The following HEATR4 variants were observed in gnomAD, a reference collection of about 807,000 sequenced individuals.
The protein encoded by HEATR4 is HEAT repeat containing 4.
HEATR4 carries 95 observed loss-of-function variants against 108.8 expected under a neutral mutation model. The ratio of observed to expected loss-of-function variants is 0.87; its 90% CI spans 0.74 to 1.04. HEATR4 has a LOEUF of 1.04. Among genes scored for constraint, HEATR4 ranks in the 50% least tolerant of loss-of-function variants. The probability of loss-of-function intolerance (pLI) is 0.00; values close to 1 mark genes in which losing one functional copy is unlikely to be tolerated. For missense variants in HEATR4, 1,152 were observed against 1,253.8 expected (o/e 0.92, Z 1.23); for synonymous variants, 443 against 459.4 (o/e 0.96, Z 0.46).
chr14:73,505,466 G>C (rs12100682), intron 10 of HEATR4, among the ~76,000 whole-genome samples: 41 of 151,622 alleles, frequency 2.7e-4, no homozygotes, highest in African/African-American at 9.9e-4. Flanking sequence ...GTGCGATCTC[G>C]GCTCACTGCA....
intron 11 of HEATR4, among the ~76,000 whole-genome samples, chr14:73,501,633 G>A (rs907642795): frequency 1.3e-5 from 2 of 149,376 alleles, no homozygotes; most frequent in Non-Finnish European, 3.0e-5. Flanking sequence ...GAATGCAGTG[G>A]CATGATGATG....
At chr14:73,555,011 AT>A (rs1446487899) in intron 1 of HEATR4, among the ~76,000 whole-genome samples, 2 of 114,216 alleles carry the variant, frequency 1.8e-5, no homozygotes, top group African/African-American at 5.7e-5. Context: ...CCCATTTATG[AT>A]TTTTTAAATA....
the HEATR4 span, among the ~76,000 whole-genome samples, chr14:73,608,635 C>G: frequency 6.6e-6 from 1 of 152,166 alleles, no homozygotes; most frequent in Admixed American, 6.6e-5. Context: ...GCCCTCTAAA[C>G]GGTGCCAACT....
the HEATR4 span, among the ~76,000 whole-genome samples, chr14:73,609,634 A>ATTTAT: frequency 7.9e-5 from 12 of 151,986 alleles, no homozygotes; most frequent in East Asian, 1.9e-4. Context: ...TTGTTCTATT[A>ATTTAT]TTTATTTTAT....
At chr14:73,626,281 CA>C in the HEATR4 span, among the ~76,000 whole-genome samples, 21,606 of 151,638 alleles carry the variant, frequency 0.14, 2,182 homozygotes, top group Non-Finnish European at 0.22. Flanking sequence ...AAGAAAATCG[CA>C]AAAAAAATCT....
the HEATR4 span, among the ~76,000 whole-genome samples, chr14:73,576,816 A>AAAAAAAAAAAAAAAAAAAAAAAAAAAG: frequency 1.9e-3 from 110 of 58,154 alleles, 34 homozygotes; most frequent in Non-Finnish European, 3.2e-3. Flanking sequence ...AAAAAAAAAA[A>AAAAAAAAAAAAAAAAAAAAAAAAAAAG]AAAAGACAAT....
intron 17 of HEATR4, among the ~76,000 whole-genome samples, chr14:73,480,544 GT>G (rs1233960849): frequency 6.6e-6 from 1 of 151,906 alleles, no homozygotes; most frequent in Non-Finnish European, 1.5e-5. Context: ...ATTTTATTAT[GT>G]TTTTTGAATA....
upstream of HEATR4, among the ~76,000 whole-genome samples, chr14:73,562,404 C>G (rs556480849): frequency 8.5e-5 from 13 of 152,064 alleles, no homozygotes; most frequent in Middle Eastern, 3.4e-3. Context: ...GTTAACTGTA[C>G]AAATTGATTG....
chr14:73,509,555 G>T, intron 7 of HEATR4, 82 bp from the exon 8 acceptor site: 1 of 1,441,620 alleles, frequency 6.9e-7, no homozygotes, highest in Non-Finnish European at 9.7e-7. Context: ...GCCATGTGGT[G>T]GCCAACCTCA....
chr14:73,554,164 A>T (rs1387283021), intron 1 of HEATR4, among the ~76,000 whole-genome samples: 2 of 113,176 alleles, frequency 1.8e-5, no homozygotes, highest in African/African-American at 2.9e-5. Context: ...AAAAATAAAA[A>T]AAATTAGCAG....
chr14:73,566,823 A>G, the HEATR4 span, among the ~76,000 whole-genome samples: 1 of 152,124 alleles, frequency 6.6e-6, no homozygotes, highest in African/African-American at 2.4e-5. Context: ...AGTGCCGCCA[A>G]AGTGGGAGCC....
chr14:73,592,459 G>C, the HEATR4 span: 2 of 1,457,852 alleles, frequency 1.4e-6, no homozygotes, highest in Admixed American at 5.2e-5. Context: ...TCAGTGGCCT[G>C]AGTCTCCGTT....
the HEATR4 span, among the ~76,000 whole-genome samples, chr14:73,566,376 G>A: frequency 6.6e-6 from 1 of 152,106 alleles, no homozygotes. Context: ...GGGCTCCGTG[G>A]AGCAGGGGGC....
At chr14:73,589,658 G>T in the HEATR4 span, among the ~76,000 whole-genome samples, 1 of 152,116 alleles carries the variant, frequency 6.6e-6, no homozygotes, top group Non-Finnish European at 1.5e-5. Context: ...TAAGTAAACT[G>T]ACATGTATGG....
chr14:73,508,351 A>G, intron 8 of HEATR4, 57 bp from the exon 9 acceptor site: 1 of 1,552,394 alleles, frequency 6.4e-7, no homozygotes, highest in South Asian at 1.1e-5. Context: ...CCCCTAGAGA[A>G]CAGCCTTTGG....
the HEATR4 span, chr14:73,596,061 T>C: frequency 2.5e-5 from 4 of 159,512 alleles, no homozygotes; most frequent in Admixed American, 2.4e-4. Flanking sequence ...GGGGTGTTAA[T>C]ATGAGGAAAG....
the HEATR4 span, among the ~76,000 whole-genome samples, chr14:73,566,979 A>AT: frequency 3.6e-4 from 54 of 151,098 alleles, 1 homozygote; most frequent in African/African-American, 7.8e-4. Flanking sequence ...AATTTCTTGT[A>AT]TTTTTTTTTA....
At chr14:73,616,916 C>T in the HEATR4 span, 3 of 578,712 alleles carry the variant, frequency 5.2e-6, no homozygotes. Flanking sequence ...CCCCAATCTC[C>T]TTGGCTTCAA....
the HEATR4 span, among the ~76,000 whole-genome samples, chr14:73,628,911 C>T: frequency 1.3e-5 from 2 of 151,600 alleles, no homozygotes; most frequent in South Asian, 2.1e-4. Flanking sequence ...AAAAGTTACC[C>T]GGGCATAGTG....
Sources: allele counts gnomAD v4.1 joint callset (sites outside exome capture counted in the v4.1 genomes callset), GRCh38; gene constraint gnomAD v4.1.1; transcripts MANE v1.5; gene names NCBI Gene and HGNC (gene_info 2026-07-23, HGNC 2026-07-21).